Variants in STARD13 observed in about 807,000 individuals in gnomAD.
The protein encoded by STARD13 is StAR related lipid transfer domain containing 13.
STARD13 carries 62 observed loss-of-function variants against 106.4 expected under a neutral mutation model. That is an observed-to-expected ratio of 0.58 (90% CI 0.48 to 0.72). The LOEUF is 0.72. Ranked by LOEUF, STARD13 falls within the 30% of genes least tolerant of loss-of-function variation. The pLI is 0.00. For missense variants in STARD13, 1,387 were observed against 1,424.0 expected (o/e 0.97, Z 0.42); for synonymous variants, 565 against 553.0 (o/e 1.02, Z -0.31).
the STARD13 span, among the ~76,000 whole-genome samples, chr13:33,521,745 T>A: frequency 5.3e-5 from 8 of 152,168 alleles, no homozygotes; most frequent in Non-Finnish European, 8.8e-5. Context: ...ATATTCCCTA[T>A]GTTTTTACAC....
At chr13:33,226,435 C>CT (rs71196514) in intron 1 of STARD13, among the ~76,000 whole-genome samples, 13,001 of 130,120 alleles carry the variant, frequency 0.1, 866 homozygotes, top group African/African-American at 0.18. Context: ...AAATTTAGTT[C>CT]TTTTTTTTTT....
the STARD13 span, among the ~76,000 whole-genome samples, chr13:33,509,200 C>G: frequency 1.3e-5 from 2 of 152,036 alleles, no homozygotes; most frequent in African/African-American, 4.8e-5. Context: ...TTCAGTAAGA[C>G]CATATAGGAA....
chr13:33,338,893 A>C (rs905769625), intron 1 of STARD13, among the ~76,000 whole-genome samples: 20 of 138,266 alleles, frequency 1.4e-4, no homozygotes, highest in African/African-American at 4.9e-4. Context: ...TCAAAAAAAA[A>C]AAAAAAAAAA....
At chr13:33,237,145 A>G (rs1038765079) in intron 1 of STARD13, among the ~76,000 whole-genome samples, 5 of 152,260 alleles carry the variant, frequency 3.3e-5, no homozygotes, top group Admixed American at 2.0e-4. Flanking sequence ...GCTTTCTCCT[A>G]GTCATATCCT....
At chr13:33,532,283 T>A in the STARD13 span, among the ~76,000 whole-genome samples, 1 of 152,294 alleles carries the variant, frequency 6.6e-6, no homozygotes, top group Admixed American at 6.5e-5. Context: ...AATGTATTGC[T>A]AATGAAAAAA....
chr13:33,115,002 C>T (rs1303720744), intron 8 of STARD13, among the ~76,000 whole-genome samples: 5 of 152,022 alleles, frequency 3.3e-5, no homozygotes, highest in Admixed American at 6.6e-5. Context: ...AATTTGCAAT[C>T]ATATGGGGGA....
At chr13:33,350,964 A>G (rs865950849), upstream of STARD13, among the ~76,000 whole-genome samples, 2 of 147,352 alleles carry the variant, frequency 1.4e-5, no homozygotes, top group South Asian at 2.2e-4. Context: ...CAACAACAAA[A>G]ATTTATATAT....
At chr13:33,147,237 A>G (rs1880667802) in intron 3 of STARD13, among the ~76,000 whole-genome samples, 1 of 152,226 alleles carries the variant, frequency 6.6e-6, no homozygotes, top group Non-Finnish European at 1.5e-5. Flanking sequence ...GGGACTTAGA[A>G]AAGTTCCAAT....
At chr13:33,343,000 A>G (rs146489279) in intron 1 of STARD13, among the ~76,000 whole-genome samples, 35 of 152,364 alleles carry the variant, frequency 2.3e-4, no homozygotes, top group African/African-American at 8.2e-4. Flanking sequence ...TTTATAAAGT[A>G]GTCATATGCC....
the STARD13 span, among the ~76,000 whole-genome samples, chr13:33,620,097 TC>T: frequency 1.3e-5 from 2 of 151,944 alleles, no homozygotes; most frequent in Non-Finnish European, 2.9e-5. Flanking sequence ...CTTCATCAAA[TC>T]CATGACCATA....
chr13:33,349,012 A>G (rs1370133303), exon 2 of STARD13: 1 of 653,896 alleles, frequency 1.5e-6, no homozygotes, highest in Non-Finnish European at 2.8e-6. Flanking sequence ...GCTGATGAGG[A>G]TGTGGGTGCA....
the STARD13 span, among the ~76,000 whole-genome samples, chr13:33,661,509 T>C: frequency 6.6e-6 from 1 of 152,162 alleles, no homozygotes. Context: ...TGCCCGAAAC[T>C]GGGTAATTAA....
chr13:33,218,647 G>A (rs76474588), intron 1 of STARD13, among the ~76,000 whole-genome samples: 3,925 of 152,268 alleles, frequency 0.026, 90 homozygotes, highest in Non-Finnish European at 0.041. Flanking sequence ...CTGACTCATA[G>A]GAACCTGTTT....
At chr13:33,418,471 C>G in the STARD13 span, among the ~76,000 whole-genome samples, 1 of 152,228 alleles carries the variant, frequency 6.6e-6, no homozygotes, top group Non-Finnish European at 1.5e-5. Flanking sequence ...CGCAGCTCAG[C>G]AAGGCCTACA....
the STARD13 span, among the ~76,000 whole-genome samples, chr13:33,664,389 A>G: frequency 6.6e-6 from 1 of 152,252 alleles, no homozygotes; most frequent in Non-Finnish European, 1.5e-5. Context: ...TTCCGCATCA[A>G]TAGTACTTCT....
the STARD13 span, among the ~76,000 whole-genome samples, chr13:33,527,477 T>C: frequency 2.0e-5 from 3 of 152,100 alleles, no homozygotes; most frequent in Non-Finnish European, 4.4e-5. Context: ...TTATGAATTA[T>C]AGAAAACCAA....
intron 1 of STARD13, among the ~76,000 whole-genome samples, chr13:33,328,641 T>C (rs2077803176): frequency 6.6e-6 from 1 of 152,226 alleles, no homozygotes; most frequent in South Asian, 2.1e-4. Flanking sequence ...AGCACAACTA[T>C]CTCTCTAATT....
chr13:33,262,641 C>T (rs867882879), intron 1 of STARD13, among the ~76,000 whole-genome samples: 2 of 134,702 alleles, frequency 1.5e-5, no homozygotes, highest in South Asian at 2.5e-4. Flanking sequence ...ACCCAGAACC[C>T]CCCCCCCCAC....
chr13:33,499,595 TTCTTCTTCTTTCTTCTTCTTC>T, the STARD13 span, among the ~76,000 whole-genome samples: 1 of 48,116 alleles, frequency 2.1e-5, no homozygotes, highest in East Asian at 5.4e-4. Context: ...CTTCTTCTTC[TTCTTCTTCTTTCTTCTTCTTC>T]TTCTTCTTCT....
Sources: gnomAD v4.1 joint callset for allele counts (sites outside exome capture counted in the v4.1 genomes callset) on GRCh38, gnomAD v4.1.1 for gene constraint, MANE v1.5 for transcripts, NCBI Gene and HGNC (gene_info 2026-07-23, HGNC 2026-07-21) for gene names.